Variants in C16orf87 observed in about 807,000 individuals in gnomAD.
The protein encoded by C16orf87 is UPF0547 protein C16orf87.
A neutral mutation model predicts 21.0 loss-of-function variants in C16orf87; 13 were observed. That is an observed-to-expected ratio of 0.62 (90% CI 0.40 to 0.98). The LOEUF (loss-of-function observed/expected upper bound fraction) is 0.98, where lower values mean the gene tolerates loss of function less well. Among genes scored for constraint, C16orf87 ranks in the 50% least tolerant of loss-of-function variants. C16orf87 has a pLI of 0.00. For missense variants in C16orf87, 113 were observed against 180.4 expected, an observed-to-expected ratio of 0.63 and a Z score of 2.14; for synonymous variants, 49 against 60.2, an observed-to-expected ratio of 0.81 and a Z score of 0.86.
chr16:46,818,759 C>T (rs1376084598), intron 2 of C16orf87, among the ~76,000 whole-genome samples: 7 of 152,016 alleles, frequency 4.6e-5, no homozygotes, highest in Admixed American at 6.5e-5. Flanking sequence ...GTGAGATCAC[C>T]GCTCACTGCA....
At chr16:46,803,145 G>C in intron 3 of C16orf87, 75 bp from the exon 4 acceptor site, 5 of 666,770 alleles carry the variant, frequency 7.5e-6, no homozygotes, top group Non-Finnish European at 1.3e-5. Context: ...AAGCTTTCAA[G>C]TATTTCTTTA....
In C16orf87 at chr16:46,796,872, A is replaced by C. The variant is rs1416046822; in HGVS notation, c.*6080T>G. 1 of 152,240 alleles carries C rather than the reference A, an allele frequency of 6.6e-6. No individual in the cohort carries two copies. Among genetic ancestry groups the C allele is most frequent in the African/African-American group, 2.4e-5 (1 of 41,456 alleles). 9.4% of individuals were successfully genotyped at this position (152,240 alleles called of 1,614,324 possible). On this transcript the variant is annotated 3_prime_UTR_variant, in exon 4 of 4. Transcript: ENST00000285697. ...ATGAAAGGCATAAACTTACACATTT[A>C]AGCTCAACAAATCCCAAAGAGAATA...
chr16:46,830,928 C>T, intron 1 of C16orf87, 156 bp downstream of exon 1: 2 of 433,310 alleles, frequency 4.6e-6, no homozygotes, highest in Non-Finnish European at 8.0e-6. Context: ...GGAAACCCCT[C>T]GGTGCAGCCC....
chr16:46,814,710 A>C (rs1254250241), intron 2 of C16orf87, among the ~76,000 whole-genome samples: 1 of 152,238 alleles, frequency 6.6e-6, no homozygotes, highest in East Asian at 1.9e-4. Context: ...ACTAGCTATA[A>C]GAAGAAAATA....
intron 3 of C16orf87, among the ~76,000 whole-genome samples, chr16:46,808,705 A>G (rs1358097935): frequency 1.3e-5 from 2 of 152,164 alleles, no homozygotes; most frequent in African/African-American, 4.8e-5. Flanking sequence ...ACTCTTGCAT[A>G]TGTTGAAATT....
At chr16:46,806,805 T>A (rs529481555) in intron 3 of C16orf87, among the ~76,000 whole-genome samples, 1 of 152,304 alleles carries the variant, frequency 6.6e-6, no homozygotes, top group South Asian at 2.1e-4. Context: ...AATAGAAAAG[T>A]CATTTTTCCC....
At chr16:46,810,318 A>G (rs1359896356) in intron 2 of C16orf87, among the ~76,000 whole-genome samples, 1 of 152,208 alleles carries the variant, frequency 6.6e-6, no homozygotes, top group South Asian at 2.1e-4. Flanking sequence ...TTAGCCACAG[A>G]TAAGGTAATT....
chr16:46,812,891 A>T (rs1968136052), intron 2 of C16orf87, among the ~76,000 whole-genome samples: 1 of 152,156 alleles, frequency 6.6e-6, no homozygotes. Context: ...TCAAAAATTC[A>T]ACAAAGATGA....
chr16:46,817,916 C>CAAAAAAAAAAAAAAAAAAAAAAAAAAA (rs1056745014), intron 2 of C16orf87, among the ~76,000 whole-genome samples: 1 of 68,294 alleles, frequency 1.5e-5, no homozygotes, highest in Non-Finnish European at 2.6e-5. Context: ...CATCAAAAAG[C>CAAAAAAAAAAAAAAAAAAAAAAAAAAA]AAAAAAAAAA....
chr16:46,809,134 A>G, intron 3 of C16orf87, among the ~76,000 whole-genome samples: 1 of 151,814 alleles, frequency 6.6e-6, no homozygotes, highest in Non-Finnish European at 1.5e-5. Context: ...CCCCCTCTAC[A>G]AAAAATTAGC....
intron 1 of C16orf87, among the ~76,000 whole-genome samples, chr16:46,827,420 C>T (rs1286663945): frequency 7.2e-5 from 11 of 151,812 alleles, no homozygotes; most frequent in Non-Finnish European, 1.6e-4. Flanking sequence ...AATACTAAAC[C>T]TAACAGTACT....
Position 46,796,852 on chromosome 16 carries a change from AGG to A in C16orf87, c.*6098_*6099del, listed in dbSNP as rs1967620947. The A allele has an allele frequency of 6.6e-6, 1 of 152,252 alleles. No individual in the cohort carries two copies. The highest frequency in any genetic ancestry group is 1.5e-5 in the Non-Finnish European group (1 of 68,044). 9.4% of individuals were successfully genotyped at this position (152,252 alleles called of 1,614,324 possible). A position where few individuals can be genotyped will look rare whatever the true frequency, so the allele number is the denominator to read the frequency against. The stretch of plus-strand genomic sequence containing the variant: ...TTAAAACTTTACATAATCTGATGAA[AGG>A]CATAAACTTACACATTTAAGCTCAA... On this transcript the variant is annotated 3_prime_UTR_variant, in exon 4 of 4. Coordinates refer to ENST00000285697, the MANE Select transcript of C16orf87 (RefSeq NM_001001436.4).
intron 2 of C16orf87, among the ~76,000 whole-genome samples, chr16:46,820,209 G>A (rs543002951): frequency 6.6e-6 from 1 of 152,118 alleles, no homozygotes; most frequent in Non-Finnish European, 1.5e-5. Flanking sequence ...ATCACAAACT[G>A]TGTACAATAA....
At chr16:46,824,692 G>T (rs998420462) in intron 1 of C16orf87, among the ~76,000 whole-genome samples, 1 of 138,852 alleles carries the variant, frequency 7.2e-6, no homozygotes, top group African/African-American at 2.7e-5. Context: ...TTGAGACGGA[G>T]TCTCACTCTG....
chr16:46,816,286 C>G (rs1293208417), intron 2 of C16orf87, among the ~76,000 whole-genome samples: 1 of 152,084 alleles, frequency 6.6e-6, no homozygotes, highest in African/African-American at 2.4e-5. Flanking sequence ...TTTGGAAAAA[C>G]AAGTTCTGGA....
At chr16:46,830,029 G>T (rs1270896635) in intron 1 of C16orf87, among the ~76,000 whole-genome samples, 1 of 151,914 alleles carries the variant, frequency 6.6e-6, no homozygotes, top group Non-Finnish European at 1.5e-5. Context: ...AGATCTACAT[G>T]TTGGTAACAA....
chr16:46,830,751 C>T, intron 1 of C16orf87: 1 of 232,564 alleles, frequency 4.3e-6, no homozygotes, highest in Non-Finnish European at 8.3e-6. Flanking sequence ...CGCAGGCTCC[C>T]ACCGCTGTCA....
chr16:46,828,504 C>T (rs1475599624), intron 1 of C16orf87, among the ~76,000 whole-genome samples: 1 of 151,934 alleles, frequency 6.6e-6, no homozygotes, highest in African/African-American at 2.4e-5. Context: ...GATATGAAAC[C>T]CCTTGAAAAT....
In C16orf87 at chr16:46,800,512, TTTTA is replaced by T. The variant is rs1472868579; in HGVS notation, c.*2436_*2439del. ...CAGGGAGTAACAACTCTCAAACTACTTTTATTTAATCTTACTCATATTTAAGAAT... is the reference window on the plus strand; with the variant it reads ...CAGGGAGTAACAACTCTCAAACTACTTTTAATCTTACTCATATTTAAGAAT... On this transcript the variant is annotated 3_prime_UTR_variant, in exon 4 of 4. Transcript: ENST00000285697. 4 of 152,208 alleles carry T rather than the reference TTTTA, an allele frequency of 2.6e-5. No individual in the cohort carries two copies. Among genetic ancestry groups the T allele is most frequent in the Non-Finnish European group, 4.4e-5 (3 of 68,024 alleles). 9.4% of individuals were successfully genotyped at this position (152,208 alleles called of 1,614,324 possible). A position where few individuals can be genotyped will look rare whatever the true frequency, so the allele number is the denominator to read the frequency against.
Sources: gnomAD v4.1 joint callset for allele counts (sites outside exome capture counted in the v4.1 genomes callset) on GRCh38, gnomAD v4.1.1 for gene constraint, MANE v1.5 for transcripts, NCBI Gene and HGNC (gene_info 2026-07-23, HGNC 2026-07-21) for gene names.